The following TOX variants were observed in gnomAD, a reference collection of about 807,000 sequenced individuals.
The protein encoded by TOX is thymocyte selection associated high mobility group box, also known as thymocyte selection-associated high mobility group box protein TOX.
TOX carries 11 observed loss-of-function variants against 53.7 expected under a neutral mutation model. The observed-to-expected ratio is 0.20, with a 90% CI of 0.13 to 0.34. The LOEUF is 0.34. Among genes scored for constraint, TOX ranks in the 10% least tolerant of loss-of-function variants. The pLI is 1.00. For synonymous variants in TOX, 225 were observed against 245.3 expected, an observed-to-expected ratio of 0.92 and a Z score of 0.77; for missense variants, 570 against 664.6, an observed-to-expected ratio of 0.86 and a Z score of 1.56.
At chr8:59,037,598 C>G (rs1374144086) in intron 1 of TOX, among the ~76,000 whole-genome samples, 2 of 152,014 alleles carry the variant, frequency 1.3e-5, no homozygotes, top group Non-Finnish European at 1.5e-5. Context: ...GGTCAGGAGT[C>G]TGAAACCAGC....
At chr8:59,010,386 G>T (rs1207570197) in intron 1 of TOX, among the ~76,000 whole-genome samples, 1 of 152,156 alleles carries the variant, frequency 6.6e-6, no homozygotes, top group Non-Finnish European at 1.5e-5. Flanking sequence ...TCAGAGAGCT[G>T]AAGTATTTAT....
At chr8:59,049,259 A>G (rs939247498) in intron 1 of TOX, among the ~76,000 whole-genome samples, 6 of 152,326 alleles carry the variant, frequency 3.9e-5, no homozygotes, top group Admixed American at 2.6e-4. Flanking sequence ...AATGCTACTC[A>G]GACTTCACTT....
intron 4 of TOX, among the ~76,000 whole-genome samples, chr8:58,847,612 C>A: frequency 6.6e-6 from 1 of 151,824 alleles, no homozygotes; most frequent in Non-Finnish European, 1.5e-5. Context: ...GAGGCAGTAT[C>A]TGAAAAAAAT....
intron 3 of TOX, among the ~76,000 whole-genome samples, chr8:58,885,780 A>T (rs1324990210): frequency 6.6e-6 from 1 of 152,160 alleles, no homozygotes; most frequent in Non-Finnish European, 1.5e-5. Context: ...GCTATACCTC[A>T]ATCCCTGATG....
chr8:59,095,865 T>G (rs766382), intron 1 of TOX, among the ~76,000 whole-genome samples: 26,385 of 152,132 alleles, frequency 0.17, 4,450 homozygotes, highest in African/African-American at 0.44. Context: ...AGAACTGATG[T>G]GTTGTAGAAT....
intron 1 of TOX, among the ~76,000 whole-genome samples, chr8:58,983,332 T>A (rs4738745): frequency 0.57 from 86,910 of 152,088 alleles, 27,778 homozygotes; most frequent in Non-Finnish European, 0.69. Context: ...AGTCAGTAGG[T>A]CAGCAAAGGG....
At chr8:58,945,969 A>G (rs60700407) in intron 2 of TOX, among the ~76,000 whole-genome samples, 19 of 151,372 alleles carry the variant, frequency 1.3e-4, no homozygotes, top group African/African-American at 4.6e-4. Context: ...AAAAGATATC[A>G]TCTCGTATGT....
intron 5 of TOX, among the ~76,000 whole-genome samples, chr8:58,836,410 G>A (rs931176827): frequency 2.9e-4 from 44 of 152,156 alleles, no homozygotes; most frequent in Non-Finnish European, 5.4e-4. Context: ...GTTTCGATTA[G>A]AATCCCATAA....
At chr8:58,901,107 C>T (rs1188281125) in intron 3 of TOX, among the ~76,000 whole-genome samples, 1 of 152,068 alleles carries the variant, frequency 6.6e-6, no homozygotes, top group Admixed American at 6.6e-5. Context: ...CAAAAATCAA[C>T]ATAGGATTGT....
chr8:59,079,807 T>C (rs1189279191), intron 1 of TOX, among the ~76,000 whole-genome samples: 3 of 152,078 alleles, frequency 2.0e-5, no homozygotes, highest in Admixed American at 1.3e-4. Flanking sequence ...GGTAGATCCA[T>C]TGGTAGCTCA....
chr8:59,052,647 A>G (rs776969205), intron 1 of TOX, among the ~76,000 whole-genome samples: 3 of 152,232 alleles, frequency 2.0e-5, no homozygotes, highest in Admixed American at 6.5e-5. Context: ...ATGAGGCAAC[A>G]TAAGAGTTCA....
chr8:59,046,800 A>G (rs1346687529), intron 1 of TOX, among the ~76,000 whole-genome samples: 3 of 137,586 alleles, frequency 2.2e-5, no homozygotes, highest in African/African-American at 8.0e-5. Flanking sequence ...CAGAGGTTGC[A>G]GTAAGCCAAG....
intron 3 of TOX, among the ~76,000 whole-genome samples, chr8:58,899,986 A>G (rs1175598638): frequency 1.3e-5 from 2 of 151,430 alleles, no homozygotes; most frequent in Non-Finnish European, 2.9e-5. Flanking sequence ...TTTTAGTTGG[A>G]CTCTAAGATA....
intron 1 of TOX, among the ~76,000 whole-genome samples, chr8:59,054,645 G>A (rs1244455248): frequency 1.3e-5 from 2 of 151,864 alleles, no homozygotes; most frequent in East Asian, 1.9e-4. Flanking sequence ...ATTAAAGGCC[G>A]ACTCGTTACA....
intron 1 of TOX, among the ~76,000 whole-genome samples, chr8:59,107,049 G>GGGGC (rs1554547199): frequency 3.8e-5 from 5 of 130,154 alleles, no homozygotes; most frequent in Admixed American, 7.9e-5. Flanking sequence ...AGTTTGCTGG[G>GGGGC]GGGGGGGGGA....
At chr8:59,000,462 G>C (rs1002463604) in intron 1 of TOX, among the ~76,000 whole-genome samples, 8 of 152,110 alleles carry the variant, frequency 5.3e-5, no homozygotes, top group African/African-American at 1.4e-4. Flanking sequence ...AATGCAATTA[G>C]TTATTGTCCT....
chr8:59,054,300 T>A (rs1390526242), intron 1 of TOX, among the ~76,000 whole-genome samples: 1 of 152,212 alleles, frequency 6.6e-6, no homozygotes, highest in East Asian at 1.9e-4. Flanking sequence ...TTCTGATCTT[T>A]GCGTACTCTC....
chr8:58,979,532 A>C (rs1270721578), intron 1 of TOX, among the ~76,000 whole-genome samples: 1 of 152,226 alleles, frequency 6.6e-6, no homozygotes, highest in African/African-American at 2.4e-5. Flanking sequence ...TCTGTATAAA[A>C]TTATTCGTAA....
intron 5 of TOX, among the ~76,000 whole-genome samples, chr8:58,828,916 T>C (rs938095641): frequency 6.6e-6 from 1 of 152,204 alleles, no homozygotes; most frequent in Non-Finnish European, 1.5e-5. Context: ...ACGTCTTTTA[T>C]GGTAATGCAT....
Sources: allele counts gnomAD v4.1 joint callset (sites outside exome capture counted in the v4.1 genomes callset), GRCh38; gene constraint gnomAD v4.1.1; transcripts MANE v1.5; gene names NCBI Gene and HGNC (gene_info 2026-07-23, HGNC 2026-07-21).